The following IL1RAPL1 variants were observed in gnomAD, a reference collection of about 807,000 sequenced individuals.
IL1RAPL1 encodes the protein interleukin-1 receptor accessory protein-like 1.
Under a neutral mutation model 48.4 loss-of-function variants are expected in IL1RAPL1, and 3 were observed. The ratio of observed to expected loss-of-function variants is 0.06; its 90% CI spans 0.03 to 0.16. The LOEUF (loss-of-function observed/expected upper bound fraction) is 0.16. Ranked by LOEUF, IL1RAPL1 falls within the 10% of genes least tolerant of loss-of-function variation. The pLI is 1.00. For synonymous variants in IL1RAPL1, 185 were observed against 187.7 expected, an observed-to-expected ratio of 0.99 and a Z score of 0.12; for missense variants, 349 against 530.6, an observed-to-expected ratio of 0.66 and a Z score of 3.36.
chrX:28,762,483 T>C lies in IL1RAPL1; in HGVS notation c.-24-26837T>C, dbSNP rs1187882587. Among the ~76,000 whole-genome samples the C allele has an allele frequency of 2.7e-5, 3 of 111,304 alleles. No homozygotes were observed. In the Admixed American group the frequency reaches 2.9e-4, roughly 11 times the overall value. On this transcript the variant is annotated intron_variant, in intron 1 of 10. Transcript: ENST00000378993. ...AAAGAAGAAAAAAGAAGTAACGTTA[T>C]CTGCAATCTTACCTCTTATTAATAA... is the stretch of plus-strand genomic sequence containing the variant.
intron 6 of IL1RAPL1, among the ~76,000 whole-genome samples, chrX:29,827,869 G>A (rs1452770658): frequency 1.8e-5 from 2 of 112,001 alleles, no homozygotes; most frequent in East Asian, 2.8e-4. Flanking sequence ...CATAAGACGC[G>A]GATATATATG....
chrX:28,731,520 T>A (rs1601878182), intron 1 of IL1RAPL1, among the ~76,000 whole-genome samples: 1 of 112,159 alleles, frequency 8.9e-6, no homozygotes, highest in Non-Finnish European at 1.9e-5. Context: ...ATACTTTGAA[T>A]GATGGGTTAA....
chrX:28,739,772 C>T (rs982678029), intron 1 of IL1RAPL1, among the ~76,000 whole-genome samples: 3 of 111,134 alleles, frequency 2.7e-5, no homozygotes, highest in Admixed American at 9.6e-5. Context: ...CATATGCTAT[C>T]TCTCTTTCTA....
intron 1 of IL1RAPL1, among the ~76,000 whole-genome samples, chrX:28,602,728 TC>T (rs1165532153): frequency 1.8e-5 from 2 of 112,035 alleles, no homozygotes; most frequent in African/African-American, 6.5e-5. Flanking sequence ...TCTAAATTCA[TC>T]TTTTATTAAT....
chrX:28,599,196 G>C (rs1933991822), intron 1 of IL1RAPL1, among the ~76,000 whole-genome samples: 1 of 104,084 alleles, frequency 9.6e-6, no homozygotes, highest in African/African-American at 3.5e-5. Context: ...AGTGAGCCGA[G>C]ATTGCACCAT....
intron 5 of IL1RAPL1, among the ~76,000 whole-genome samples, chrX:29,587,038 C>G (rs923726658): frequency 1.8e-5 from 2 of 110,404 alleles, no homozygotes; most frequent in African/African-American, 6.6e-5. Flanking sequence ...ATTACTCTGG[C>G]CAGGACTTTA....
At chrX:28,842,460 A>G (rs1212972295) in intron 2 of IL1RAPL1, among the ~76,000 whole-genome samples, 1 of 110,666 alleles carries the variant, frequency 9.0e-6, no homozygotes, top group Non-Finnish European at 1.9e-5. Context: ...ACCTCGGCCA[A>G]ATTCCTTAAC....
intron 1 of IL1RAPL1, among the ~76,000 whole-genome samples, chrX:28,636,718 T>G (rs1159361821): frequency 9.0e-6 from 1 of 111,331 alleles, no homozygotes; most frequent in Non-Finnish European, 1.9e-5. Flanking sequence ...GAATAAGGGA[T>G]AGAGCAAAAG....
intron 2 of IL1RAPL1, among the ~76,000 whole-genome samples, chrX:28,924,554 G>A (rs1219823823): frequency 2.7e-5 from 3 of 111,472 alleles, no homozygotes; most frequent in East Asian, 2.8e-4. Flanking sequence ...AGAAGTACCC[G>A]GAGGATCTTC....
At chrX:29,554,988 A>T in intron 5 of IL1RAPL1, among the ~76,000 whole-genome samples, 1 of 112,454 alleles carries the variant, frequency 8.9e-6, no homozygotes, top group East Asian at 2.8e-4. Flanking sequence ...CTTTTGCTGC[A>T]GATATTATGG....
intron 6 of IL1RAPL1, among the ~76,000 whole-genome samples, chrX:29,765,887 C>T (rs148462525): frequency 0.033 from 3,673 of 110,232 alleles, 155 homozygotes; most frequent in African/African-American, 0.12. Context: ...TGGACTCTGG[C>T]GACTCATACT....
chrX:28,711,168 A>G (rs998623986), intron 1 of IL1RAPL1, among the ~76,000 whole-genome samples: 4 of 112,225 alleles, frequency 3.6e-5, no homozygotes, highest in African/African-American at 1.3e-4. Flanking sequence ...TCCAAGTGTT[A>G]GCAGTCAAAA....
intron 5 of IL1RAPL1, among the ~76,000 whole-genome samples, chrX:29,427,115 A>C (rs1178140629): frequency 8.9e-6 from 1 of 111,839 alleles, no homozygotes; most frequent in East Asian, 2.8e-4. Flanking sequence ...GGGTGTTAAC[A>C]TTGTCTTGAC....
intron 6 of IL1RAPL1, among the ~76,000 whole-genome samples, chrX:29,862,407 A>G (rs1459625149): frequency 9.0e-6 from 1 of 111,567 alleles, no homozygotes; most frequent in Non-Finnish European, 1.9e-5. Flanking sequence ...AGTTGGTTAT[A>G]AAAACGTGAC....
chrX:29,168,414 G>A (rs1485202315), intron 2 of IL1RAPL1, among the ~76,000 whole-genome samples: 1 of 104,476 alleles, frequency 9.6e-6, no homozygotes, highest in Non-Finnish European at 2.0e-5. Context: ...AACTTTTTTA[G>A]GTTCCACATA....
At chrX:29,469,322 C>T (rs1458322871) in intron 5 of IL1RAPL1, among the ~76,000 whole-genome samples, 3 of 111,895 alleles carry the variant, frequency 2.7e-5, no homozygotes, top group Non-Finnish European at 3.8e-5. Flanking sequence ...GCTGGATGAA[C>T]GAAGAGAACC....
chrX:29,184,280 CAG>C (rs774100541), intron 2 of IL1RAPL1, among the ~76,000 whole-genome samples: 1 of 111,469 alleles, frequency 9.0e-6, no homozygotes, highest in East Asian at 2.8e-4. Flanking sequence ...TATAGTATTT[CAG>C]AGAGTAGTAG....
intron 2 of IL1RAPL1, among the ~76,000 whole-genome samples, chrX:28,906,889 G>T (rs192411861): frequency 8.7e-4 from 97 of 112,090 alleles, no homozygotes; most frequent in African/African-American, 2.8e-3. Flanking sequence ...GATAATGTTA[G>T]AATGGTTTCA....
intron 6 of IL1RAPL1, among the ~76,000 whole-genome samples, chrX:29,874,756 A>AT (rs979410848): frequency 1.8e-5 from 2 of 112,442 alleles, no homozygotes; most frequent in African/African-American, 6.5e-5. Context: ...TGATTGATAC[A>AT]TTTCGACAAA....
Sources: gnomAD v4.1 joint callset for allele counts (sites outside exome capture counted in the v4.1 genomes callset) on GRCh38, gnomAD v4.1.1 for gene constraint, MANE v1.5 for transcripts, NCBI Gene and HGNC (gene_info 2026-07-23, HGNC 2026-07-21) for gene names.